Variants in ADK observed in about 807,000 individuals in gnomAD.
ADK encodes the protein N6,N6-dimethyladenosine kinase.
A neutral mutation model predicts 44.7 loss-of-function variants in ADK; 24 were observed. That is an observed-to-expected ratio of 0.54 (90% CI 0.39 to 0.76). ADK has a LOEUF of 0.76. Among genes scored for constraint, ADK ranks in the 30% least tolerant of loss-of-function variants. The probability of loss-of-function intolerance (pLI) is 0.00; values close to 1 mark genes in which losing one functional copy is unlikely to be tolerated. For missense variants in ADK, 321 were observed against 425.1 expected, an observed-to-expected ratio of 0.76 and a Z score of 2.15; for synonymous variants, 128 against 142.6, an observed-to-expected ratio of 0.90 and a Z score of 0.73.
chr10:74,591,317 C>T (rs1183656325), intron 8 of ADK, among the ~76,000 whole-genome samples: 1 of 152,142 alleles, frequency 6.6e-6, no homozygotes, highest in Admixed American at 6.5e-5. Flanking sequence ...ATTATAATCA[C>T]ATACCTTATT....
chr10:74,667,493 A>T (rs1044297078), intron 9 of ADK, among the ~76,000 whole-genome samples: 1 of 151,238 alleles, frequency 6.6e-6, no homozygotes, highest in Non-Finnish European at 1.5e-5. Flanking sequence ...AGCTGCATTT[A>T]TGTAGAATTT....
At chr10:74,263,127 C>T (rs1005392402) in intron 3 of ADK, among the ~76,000 whole-genome samples, 1 of 152,140 alleles carries the variant, frequency 6.6e-6, no homozygotes, top group Non-Finnish European at 1.5e-5. Context: ...CTCCCTGCCT[C>T]GTCTCCCACC....
At chr10:74,244,987 G>A (rs189696763) in intron 3 of ADK, among the ~76,000 whole-genome samples, 64 of 152,246 alleles carry the variant, frequency 4.2e-4, no homozygotes, top group African/African-American at 1.3e-3. Context: ...TTTTCCCGCT[G>A]ATTTTATTAT....
intron 9 of ADK, among the ~76,000 whole-genome samples, chr10:74,625,282 AT>A (rs1387610334): frequency 1.3e-5 from 2 of 152,172 alleles, no homozygotes; most frequent in East Asian, 3.8e-4. Context: ...GCAAGTTGAG[AT>A]TACAAAGGTA....
intron 9 of ADK, among the ~76,000 whole-genome samples, chr10:74,610,551 A>G (rs1052316572): frequency 3.9e-5 from 6 of 152,182 alleles, no homozygotes; most frequent in Non-Finnish European, 7.3e-5. Context: ...AACAATGCTT[A>G]AAATGTTACA....
intron 10 of ADK, among the ~76,000 whole-genome samples, chr10:74,705,525 A>G (rs1300102659): frequency 6.6e-6 from 1 of 152,132 alleles, no homozygotes; most frequent in Non-Finnish European, 1.5e-5. Context: ...TTTTCTAATC[A>G]TGCCTTCCTG....
At chr10:74,329,509 T>G (rs7916584) in intron 4 of ADK, among the ~76,000 whole-genome samples, 4,266 of 152,320 alleles carry the variant, frequency 0.028, 85 homozygotes, top group Non-Finnish European at 0.045. Flanking sequence ...GTTGCCCACC[T>G]ATCTATTAAC....
chr10:74,228,945 T>C (rs1844647745), intron 3 of ADK, among the ~76,000 whole-genome samples: 1 of 152,188 alleles, frequency 6.6e-6, no homozygotes, highest in South Asian at 2.1e-4. Flanking sequence ...GGGATTCACA[T>C]TTATTTACTT....
At chr10:74,254,995 G>C (rs1225273328) in intron 3 of ADK, among the ~76,000 whole-genome samples, 1 of 152,106 alleles carries the variant, frequency 6.6e-6, no homozygotes, top group African/African-American at 2.4e-5. Flanking sequence ...GTGAACATCA[G>C]ATATTAAAAA....
chr10:74,404,844 A>G (rs1017382977), intron 6 of ADK, among the ~76,000 whole-genome samples: 2 of 152,138 alleles, frequency 1.3e-5, no homozygotes, highest in South Asian at 4.1e-4. Flanking sequence ...CACACAGAGA[A>G]AATTACTCAT....
At chr10:74,540,868 T>A (rs914871399) in intron 7 of ADK, among the ~76,000 whole-genome samples, 2 of 152,176 alleles carry the variant, frequency 1.3e-5, no homozygotes, top group East Asian at 3.8e-4. Context: ...TTAGAAAACC[T>A]GTCTTTTATC....
chr10:74,678,124 G>C (rs1855470078), intron 10 of ADK, among the ~76,000 whole-genome samples: 1 of 150,136 alleles, frequency 6.7e-6, no homozygotes, highest in African/African-American at 2.5e-5. Context: ...CTGGGCAACA[G>C]GGGGAGACCC....
intron 6 of ADK, among the ~76,000 whole-genome samples, chr10:74,409,246 C>A (rs182739979): frequency 1.3e-5 from 2 of 152,132 alleles, no homozygotes; most frequent in East Asian, 3.9e-4. Context: ...AAAAAAGGTT[C>A]CAAGTTTGAA....
intron 3 of ADK, among the ~76,000 whole-genome samples, chr10:74,235,962 G>T (rs1844943272): frequency 6.6e-6 from 1 of 152,202 alleles, no homozygotes; most frequent in Admixed American, 6.5e-5. Flanking sequence ...GCAGCAAGAA[G>T]TTGCTGAGCA....
chr10:74,662,705 C>T (rs1854783782), intron 9 of ADK, among the ~76,000 whole-genome samples: 1 of 152,132 alleles, frequency 6.6e-6, no homozygotes, highest in African/African-American at 2.4e-5. Flanking sequence ...GTACAGTGGC[C>T]TTCTTTAGCT....
At chr10:74,317,861 A>G (rs1659037088) in intron 4 of ADK, among the ~76,000 whole-genome samples, 1 of 152,170 alleles carries the variant, frequency 6.6e-6, no homozygotes, top group African/African-American at 2.4e-5. Flanking sequence ...TGCTCACTGC[A>G]ACCTCTGCCT....
At position 74,224,533 on chromosome 10, in the gene ADK, T is replaced by C. The variant is rs372338209; in HGVS notation, c.141-5T>C. The stretch of plus-strand genomic sequence containing the variant: ...AAGAGTGTAATTTTCGTTTCTGTTA[T>C]ACAGGTATTCTCTGAAACCAAATGA... On this transcript the variant is annotated splice_region_variant and splice_polypyrimidine_tract_variant and intron_variant, in intron 2 of 10. Transcript: ENST00000539909. 6.9e-5 allele frequency: 111 copies of C among 1,613,226 alleles called. No homozygotes were observed. The African/African-American group carries it at 1.3e-3, about 19-fold the overall frequency.
chr10:74,279,957 GT>G (rs1300859958), intron 3 of ADK, among the ~76,000 whole-genome samples: 4 of 152,104 alleles, frequency 2.6e-5, no homozygotes, highest in African/African-American at 7.2e-5. Context: ...GAGCCCAGGA[GT>G]TTAAGGCTGC....
intron 6 of ADK, among the ~76,000 whole-genome samples, chr10:74,465,248 A>G (rs543041911): frequency 6.6e-5 from 10 of 152,208 alleles, no homozygotes; most frequent in Admixed American, 2.0e-4. Flanking sequence ...AATAGCAAGT[A>G]TAAAGTCTCT....
Sources: allele counts gnomAD v4.1 joint callset (sites outside exome capture counted in the v4.1 genomes callset), GRCh38; gene constraint gnomAD v4.1.1; transcripts MANE v1.5; gene names NCBI Gene and HGNC (gene_info 2026-07-23, HGNC 2026-07-21).